FHIT: variants seen among roughly 807,000 people sequenced by gnomAD.
FHIT encodes fragile histidine triad diadenosine triphosphatase, also known as bis(5'-adenosyl)-triphosphatase.
A neutral mutation model predicts 17.9 loss-of-function variants in FHIT; 19 were observed. The observed-to-expected ratio is 1.06, with a 90% CI of 0.74 to 1.56. The LOEUF is 1.56. Among genes scored for constraint, FHIT ranks in the 40% most tolerant of loss-of-function variants. The pLI, the probability that FHIT is intolerant of heterozygous loss-of-function variation, is 0.00. For missense variants in FHIT, 248 were observed against 189.2 expected (o/e 1.31, Z -1.82); for synonymous variants, 81 against 69.7 (o/e 1.16, Z -0.81).
At chr3:60,092,930 G>A (rs1703791872) in intron 5 of FHIT, among the ~76,000 whole-genome samples, 1 of 152,134 alleles carries the variant, frequency 6.6e-6, no homozygotes, top group Admixed American at 6.5e-5. Context: ...GAACCAGCTT[G>A]GTGCCAAAGA....
chr3:60,173,302 T>G (rs1323560366), intron 5 of FHIT, among the ~76,000 whole-genome samples: 1 of 152,140 alleles, frequency 6.6e-6, no homozygotes, highest in Non-Finnish European at 1.5e-5. Context: ...CAACCTCACT[T>G]GGCCTTCTAT....
At chr3:60,007,405 C>T (rs116056602) in intron 7 of FHIT, among the ~76,000 whole-genome samples, 3,929 of 152,240 alleles carry the variant, frequency 0.026, 145 homozygotes, top group African/African-American at 0.088. Flanking sequence ...CTGGAATACA[C>T]ATACATATCG....
At chr3:60,885,887 T>A (rs1484358252) in intron 3 of FHIT, among the ~76,000 whole-genome samples, 1 of 152,172 alleles carries the variant, frequency 6.6e-6, no homozygotes, top group Non-Finnish European at 1.5e-5. Context: ...TCATATGTTT[T>A]ACAGTCTTAG....
At chr3:60,881,798 A>G (rs1704994703) in intron 3 of FHIT, among the ~76,000 whole-genome samples, 1 of 152,104 alleles carries the variant, frequency 6.6e-6, no homozygotes, top group South Asian at 2.1e-4. Flanking sequence ...AAACACATCA[A>G]AAGAGTAGAA....
intron 4 of FHIT, among the ~76,000 whole-genome samples, chr3:60,579,984 C>T (rs566276303): frequency 7.2e-5 from 11 of 152,036 alleles, no homozygotes; most frequent in Non-Finnish European, 1.3e-4. Context: ...TAGCAGCCTC[C>T]GTGCAATAGC....
chr3:60,416,869 G>A (rs79417337), intron 5 of FHIT, among the ~76,000 whole-genome samples: 2 of 152,050 alleles, frequency 1.3e-5, no homozygotes, highest in Non-Finnish European at 2.9e-5. Context: ...GGAGGATCAC[G>A]AGGTCAGGAG....
intron 5 of FHIT, among the ~76,000 whole-genome samples, chr3:60,477,998 T>C (rs927559358): frequency 6.6e-5 from 10 of 152,102 alleles, no homozygotes; most frequent in African/African-American, 1.7e-4. Flanking sequence ...TGCTGGGTAA[T>C]AGGAAATTGG....
chr3:60,216,975 C>T (rs1703725159), intron 5 of FHIT, among the ~76,000 whole-genome samples: 1 of 152,104 alleles, frequency 6.6e-6, no homozygotes, highest in Admixed American at 6.5e-5. Context: ...TCCAACTACC[C>T]AGCTCCGAGA....
At chr3:60,699,036 A>C (rs2041178524) in intron 4 of FHIT, among the ~76,000 whole-genome samples, 1 of 152,212 alleles carries the variant, frequency 6.6e-6, no homozygotes, top group Non-Finnish European at 1.5e-5. Flanking sequence ...TCTATGCCAT[A>C]AGTAACAATC....
chr3:59,866,581 C>A (rs1274387827), intron 8 of FHIT, among the ~76,000 whole-genome samples: 1 of 152,010 alleles, frequency 6.6e-6, no homozygotes, highest in Non-Finnish European at 1.5e-5. Flanking sequence ...CCTTCCAGGA[C>A]CTGGAAGAGA....
At chr3:61,118,866 G>C (rs1449652101) in intron 2 of FHIT, among the ~76,000 whole-genome samples, 4 of 152,034 alleles carry the variant, frequency 2.6e-5, no homozygotes, top group Admixed American at 6.6e-5. Flanking sequence ...TTGCAAGCAG[G>C]ACTTATCCCT....
intron 3 of FHIT, among the ~76,000 whole-genome samples, chr3:60,927,286 C>T (rs1707678682): frequency 6.6e-6 from 1 of 152,258 alleles, no homozygotes; most frequent in African/African-American, 2.4e-5. Context: ...CAGACAGAGT[C>T]TCGCTCACTC....
intron 5 of FHIT, among the ~76,000 whole-genome samples, chr3:60,460,776 C>G (rs1436205843): frequency 2.0e-5 from 3 of 152,180 alleles, no homozygotes; most frequent in African/African-American, 7.2e-5. Flanking sequence ...ATCCAATAGT[C>G]ACTCTAAAAT....
rs565882973 is a variant in FHIT at position 61,169,980 on chromosome 3, G to C, written c.-164+30637C>G. Among the ~76,000 whole-genome samples, 3 of 152,296 alleles carry C rather than the reference G, an allele frequency of 2.0e-5. No individual in the cohort carries two copies. The South Asian group carries it at 6.2e-4, about 32-fold the overall frequency. ...GACTTAGACATCAAGGGTGGGGTGA[G>C]AAACTTGATTAGACATCACGGTGAC... On this transcript the variant is annotated intron_variant, in intron 2 of 9. Transcript: ENST00000492590.
intron 5 of FHIT, among the ~76,000 whole-genome samples, chr3:60,386,647 G>A (rs1559873420): frequency 6.6e-6 from 1 of 152,074 alleles, no homozygotes; most frequent in East Asian, 1.9e-4. Context: ...AATTTCTTCT[G>A]TTGTATACAC....
intron 4 of FHIT, among the ~76,000 whole-genome samples, chr3:60,715,087 A>C (rs1478431590): frequency 2.6e-5 from 4 of 152,136 alleles, no homozygotes; most frequent in African/African-American, 4.8e-5. Context: ...CAAAACAGAG[A>C]TATAGATCAA....
intron 5 of FHIT, among the ~76,000 whole-genome samples, chr3:60,052,839 G>T (rs763538115): frequency 2.0e-5 from 3 of 149,512 alleles, no homozygotes; most frequent in Non-Finnish European, 4.4e-5. Flanking sequence ...TTTTTTCTTA[G>T]TATAAGTATG....
intron 5 of FHIT, among the ~76,000 whole-genome samples, chr3:60,299,058 TTC>T (rs1708337015): frequency 6.6e-6 from 1 of 152,134 alleles, no homozygotes; most frequent in African/African-American, 2.4e-5. Context: ...CTGCTGGAAC[TTC>T]TCTGTCCCTG....
At chr3:60,499,244 ATCCTGTTT>A (rs1209972542) in intron 5 of FHIT, among the ~76,000 whole-genome samples, 1 of 152,096 alleles carries the variant, frequency 6.6e-6, no homozygotes, top group Non-Finnish European at 1.5e-5. Context: ...TATATTAAAA[ATCCTGTTT>A]TCCTTCCTTC....
Sources: allele counts gnomAD v4.1 joint callset (sites outside exome capture counted in the v4.1 genomes callset), GRCh38; gene constraint gnomAD v4.1.1; transcripts MANE v1.5; gene names NCBI Gene and HGNC (gene_info 2026-07-23, HGNC 2026-07-21).